Variants in ABCA10 observed in about 807,000 individuals in gnomAD.
ABCA10 encodes the protein ATP-binding cassette sub-family A member 10.
ABCA10 carries 169 observed loss-of-function variants against 187.5 expected under a neutral mutation model. The observed-to-expected ratio is 0.90, with a 90% CI of 0.80 to 1.02. The LOEUF is 1.02. Among genes scored for constraint, ABCA10 ranks in the 50% least tolerant of loss-of-function variants. The pLI, the probability that ABCA10 is intolerant of heterozygous loss-of-function variation, is 0.00. For synonymous variants in ABCA10, 574 were observed against 601.8 expected, an observed-to-expected ratio of 0.95 and a Z score of 0.68; for missense variants, 1,727 against 1,812.4, an observed-to-expected ratio of 0.95 and a Z score of 0.86.
intron 11 of ABCA10, 58 bp downstream of exon 11, chr17:69,197,006 C>CCGAGGG: frequency 6.0e-6 from 3 of 500,094 alleles, no homozygotes; most frequent in Non-Finnish European, 9.1e-6. Context: ...AGACCGTGGA[C>CCGAGGG]AGAGGGAGGG....
At chr17:69,167,272 C>G (rs922783568) in intron 25 of ABCA10, among the ~76,000 whole-genome samples, 13 of 152,142 alleles carry the variant, frequency 8.5e-5, no homozygotes, top group Non-Finnish European at 1.6e-4. Context: ...GTCATAAGAA[C>G]TTTTCAGGCT....
Position 69,153,316 on chromosome 17 carries a change from C to A in ABCA10, c.4125G>T (p.Gln1375His), listed in dbSNP as rs1237886222. The A allele has an allele frequency of 1.9e-6, 3 of 1,611,064 alleles. No individual in the cohort carries two copies. In the African/African-American group the frequency reaches 4.0e-5, roughly 22 times the overall value. ...TTCACTCTCCTTACCACATTTGCTG[C>A]TGCCCCTCGGGGTCCATCCCGGTGA... ...EPFTGMDPEG[Q>H]QQMWQILQAT... is the part of the protein sequence containing the mutation. Residue 1375 changes from glutamine (Q) to histidine (H), a missense_variant, in exon 34 of 39, where the codon CAG (glutamine) becomes CAT (histidine). Gln to His is a conservative substitution (Grantham distance 24). Coordinates refer to ENST00000690296, the MANE Select transcript of ABCA10 (RefSeq NM_001377321.1).
chr17:69,240,689 T>C (rs142970022), intron 1 of ABCA10, among the ~76,000 whole-genome samples: 93 of 152,368 alleles, frequency 6.1e-4, no homozygotes, highest in African/African-American at 2.2e-3. Context: ...CTCTACATCA[T>C]CAAGCCTCCA....
intron 10 of ABCA10, among the ~76,000 whole-genome samples, chr17:69,199,345 T>A (rs2074527421): frequency 6.6e-6 from 1 of 152,218 alleles, no homozygotes; most frequent in African/African-American, 2.4e-5. Context: ...AATCTCTGTA[T>A]CCTAATTCTA....
rs752340707 is a variant in ABCA10, at chr17:69,155,871, T to A, written c.3510A>T (p.Glu1170Asp). 3 of 1,613,676 alleles carry A rather than the reference T, an allele frequency of 1.9e-6. No homozygotes were observed. The highest frequency in any genetic ancestry group is 2.2e-5 in the East Asian group (1 of 44,816). ...CTCTTTCAGCTTGAACATCTTCATCTTCTTCTTCGGGCTCTTCCGGATTGG... is the reference window on the plus strand; with the variant it reads ...CTCTTTCAGCTTGAACATCTTCATCATCTTCTTCGGGCTCTTCCGGATTGG... ...THPNPEEPEE[E>D]DEDVQAERVQ... The change falls in exon 29 of 39, where the codon GAA becomes GAT. Residue 1170 changes from glutamate to aspartate, a missense_variant. Glu to Asp is a conservative substitution (Grantham distance 45). Transcript: ENST00000690296.
upstream of ABCA10, among the ~76,000 whole-genome samples, chr17:69,230,267 T>C (rs1474958570): frequency 1.3e-5 from 2 of 152,142 alleles, no homozygotes; most frequent in Admixed American, 1.3e-4. Flanking sequence ...CTTTATAAAT[T>C]ACCCAGTCTG....
Position 69,174,725 on chromosome 17 carries a change from C to A in ABCA10, c.2930G>T (p.Trp977Leu). Reference protein sequence around the residue: ...WISGLWPSAYWCGQALVDIPL... With the variant: ...WISGLWPSAYLCGQALVDIPL... ...AATGTCCACCAGAGCCTGTCCACAC[C>A]AGTATGCTGAAGGCCAGAGGCCTGA... Residue 977 changes from tryptophan to leucine, a missense_variant, in exon 24 of 39, where the codon TGG (tryptophan) becomes TTG (leucine). Transcript: ENST00000690296. The A allele has an allele frequency of 1.2e-6, 2 of 1,609,656 alleles. No individual in the cohort carries two copies. Among genetic ancestry groups the A allele is most frequent in the East Asian group, 2.2e-5 (1 of 44,826 alleles).
rs976400953 is a variant in ABCA10, at chr17:69,219,601, T to G, written c.474A>C (p.Glu158Asp). 1.2e-6 allele frequency: 2 copies of G among 1,609,276 alleles called. No individual in the cohort carries two copies. The highest frequency in any genetic ancestry group is 2.2e-5 in the East Asian group (1 of 44,776). ...IYFASLNVAR[E>D]RGKFKKLMTV... is the part of the protein sequence containing the mutation. The stretch of plus-strand genomic sequence containing the variant: ...TCATCAGTTTCTTAAATTTTCCTCT[T>G]TCCCTTGCAACATTTAATGATGCAA... The change falls in exon 6 of 39, where the codon GAA becomes GAC. Residue 158 changes from glutamate to aspartate, a missense_variant. Physicochemically the swap from Glu to Asp is conservative, Grantham distance 45. Transcript: ENST00000690296.
At chr17:69,240,259 G>A (rs909098751) in intron 1 of ABCA10, among the ~76,000 whole-genome samples, 5 of 152,072 alleles carry the variant, frequency 3.3e-5, no homozygotes, top group East Asian at 3.9e-4. Context: ...CACAACTTTC[G>A]CCAAGTTACT....
intron 22 of ABCA10, among the ~76,000 whole-genome samples, chr17:69,177,967 A>ATAT (rs1472912673): frequency 1.4e-3 from 110 of 78,666 alleles, no homozygotes; most frequent in African/African-American, 3.3e-3. Context: ...AAAAAAAAAA[A>ATAT]AAAAAAATAT....
chr17:69,213,134 T>C (rs1598119513), intron 9 of ABCA10, among the ~76,000 whole-genome samples: 1 of 152,134 alleles, frequency 6.6e-6, no homozygotes, highest in East Asian at 1.9e-4. Context: ...TGTTATGACT[T>C]TGTGTAATGG....
rs183470198 is a variant in ABCA10 at position 69,154,588 on chromosome 17, C to G, written c.3695-262G>C. On this transcript the variant is annotated intron_variant, in intron 30 of 38. Coordinates refer to ENST00000690296, the MANE Select transcript of ABCA10 (RefSeq NM_001377321.1). ...TACATGCATGCACCACCACACCCAG[C>G]TAATTTTTAAATTTTTTGTAGAGAT... 2.3e-3 allele frequency among the ~76,000 whole-genome samples: 350 copies of G among 152,038 alleles called. 3 individuals carry two copies. Among genetic ancestry groups the G allele is most frequent in the African/African-American group, 8.2e-3 (338 of 41,454 alleles).
chr17:69,196,819 C>T (rs953009251), intron 11 of ABCA10, among the ~76,000 whole-genome samples: 32 of 152,126 alleles, frequency 2.1e-4, no homozygotes, highest in Admixed American at 5.2e-4. Flanking sequence ...GAGACCAGCC[C>T]GGCCAACACG....
chr17:69,185,961 T>C (rs1186167390), intron 19 of ABCA10, among the ~76,000 whole-genome samples: 1 of 152,192 alleles, frequency 6.6e-6, no homozygotes, highest in African/African-American at 2.4e-5. Context: ...GGCCACAAAT[T>C]GCCTGCTTGG....
At chr17:69,232,271 C>T (rs1187352196), upstream of ABCA10, among the ~76,000 whole-genome samples, 2 of 152,020 alleles carry the variant, frequency 1.3e-5, no homozygotes, top group African/African-American at 4.8e-5. Flanking sequence ...CTTACTGCTG[C>T]CATTTTGATA....
At chr17:69,159,731 A>C (rs117281630) in intron 27 of ABCA10, among the ~76,000 whole-genome samples, 1,843 of 152,268 alleles carry the variant, frequency 0.012, 16 homozygotes, top group Non-Finnish European at 0.021. Flanking sequence ...AAATTGCCTT[A>C]ATGTGGCCAT....
chr17:69,243,625 C>G (rs1008296843), intron 1 of ABCA10, among the ~76,000 whole-genome samples: 5 of 152,176 alleles, frequency 3.3e-5, no homozygotes, highest in Non-Finnish European at 7.3e-5. Flanking sequence ...AGGCCAGGTA[C>G]AGTGGTTCAC....
At chr17:69,235,795 A>C (rs371024125) in intron 1 of ABCA10, among the ~76,000 whole-genome samples, 7 of 152,210 alleles carry the variant, frequency 4.6e-5, no homozygotes, top group Admixed American at 6.5e-5. Flanking sequence ...AACAAAAAAA[A>C]CAAAAACAAA....
upstream of ABCA10, among the ~76,000 whole-genome samples, chr17:69,232,333 G>A (rs541900632): frequency 3.3e-5 from 5 of 151,712 alleles, no homozygotes; most frequent in South Asian, 8.3e-4. Context: ...ATCTTCCTTT[G>A]TGTGTAAATG....
Sources: allele counts gnomAD v4.1 joint callset (sites outside exome capture counted in the v4.1 genomes callset), GRCh38; gene constraint gnomAD v4.1.1; transcripts MANE v1.5; gene names NCBI Gene and HGNC (gene_info 2026-07-23, HGNC 2026-07-21).